Variants in LRRC4C observed in about 807,000 individuals in gnomAD.
LRRC4C encodes leucine-rich repeat-containing protein 4C.
In LRRC4C, 5 loss-of-function variants were observed where a neutral mutation model predicts 33.6. The observed-to-expected ratio is 0.15, with a 90% confidence interval of 0.08 to 0.31. The LOEUF (loss-of-function observed/expected upper bound fraction) is 0.31. Ranked by LOEUF, LRRC4C falls within the 10% of genes least tolerant of loss-of-function variation. The pLI, the probability that LRRC4C is intolerant of heterozygous loss-of-function variation, is 1.00. For synonymous variants in LRRC4C, 329 were observed against 302.0 expected, an observed-to-expected ratio of 1.09 and a Z score of -0.93; for missense variants, 560 against 796.7, an observed-to-expected ratio of 0.70 and a Z score of 3.58.
chr11:40,194,619 G>A (rs562320928), intron 5 of LRRC4C, among the ~76,000 whole-genome samples: 15 of 151,882 alleles, frequency 9.9e-5, no homozygotes, highest in South Asian at 2.1e-4. Context: ...GGGGCCTGTC[G>A]GGGGGTGGGG....
At chr11:40,657,512 A>T (rs746194920) in intron 2 of LRRC4C, among the ~76,000 whole-genome samples, 11 of 152,290 alleles carry the variant, frequency 7.2e-5, no homozygotes, top group Non-Finnish European at 1.2e-4. Context: ...CTCTCTGCTC[A>T]CTAAGATAAA....
At chr11:40,263,464 A>G (rs1052890665) in intron 4 of LRRC4C, among the ~76,000 whole-genome samples, 2 of 152,132 alleles carry the variant, frequency 1.3e-5, no homozygotes, top group Non-Finnish European at 2.9e-5. Flanking sequence ...CATCCTTCAC[A>G]TTATATCCTA....
chr11:40,588,556 T>C (rs945595342), intron 3 of LRRC4C, among the ~76,000 whole-genome samples: 13 of 151,854 alleles, frequency 8.6e-5, no homozygotes, highest in African/African-American at 3.1e-4. Flanking sequence ...CTAGTTCTTT[T>C]AATTGTGATG....
chr11:40,504,921 G>T (rs1954958584), intron 3 of LRRC4C, among the ~76,000 whole-genome samples: 1 of 152,140 alleles, frequency 6.6e-6, no homozygotes, highest in South Asian at 2.1e-4. Context: ...TTTCAGTCCA[G>T]AATTGTAATC....
intron 3 of LRRC4C, among the ~76,000 whole-genome samples, chr11:40,606,729 G>A (rs1428143142): frequency 2.6e-5 from 4 of 151,932 alleles, no homozygotes; most frequent in East Asian, 1.9e-4. Context: ...TCACTGAAAC[G>A]AAAAACTTAT....
chr11:40,931,747 A>C, intron 2 of LRRC4C, among the ~76,000 whole-genome samples: 1 of 152,264 alleles, frequency 6.6e-6, no homozygotes, highest in African/African-American at 2.4e-5. Context: ...GCCTATATAT[A>C]AATGTCATGA....
chr11:40,203,321 T>C (rs866679078), intron 5 of LRRC4C, among the ~76,000 whole-genome samples: 27 of 152,174 alleles, frequency 1.8e-4, no homozygotes, highest in African/African-American at 6.0e-4. Flanking sequence ...CTACAAACTA[T>C]ATCTGAAAGC....
intron 5 of LRRC4C, among the ~76,000 whole-genome samples, chr11:40,222,075 T>C (rs1332592446): frequency 6.6e-6 from 1 of 152,148 alleles, no homozygotes; most frequent in East Asian, 1.9e-4. Context: ...TTCCAGGTAT[T>C]GTGCTAAGTA....
intron 1 of LRRC4C, among the ~76,000 whole-genome samples, chr11:41,310,979 C>G (rs1338953785): frequency 6.6e-6 from 1 of 152,198 alleles, no homozygotes; most frequent in African/African-American, 2.4e-5. Context: ...GCACAACCTT[C>G]ACACACACAA....
chr11:41,419,444 G>C (rs1954799630), intron 1 of LRRC4C, among the ~76,000 whole-genome samples: 1 of 151,882 alleles, frequency 6.6e-6, no homozygotes, highest in African/African-American at 2.4e-5. Flanking sequence ...GCTGGAAGTA[G>C]AAGGACACTC....
rs1436537487 is a variant in LRRC4C, at chr11:41,039,455, C to T, written c.-495-105732G>A. Among the ~76,000 whole-genome samples, 7 of 151,936 alleles carry T rather than the reference C, an allele frequency of 4.6e-5. No homozygotes were observed. The South Asian group carries it at 8.3e-4, about 18-fold the overall frequency. On this transcript the variant is annotated intron_variant, in intron 1 of 6. Transcript: ENST00000528697. ...AGATTTTGAATATAATAAAGCTTAG[C>T]GAATATTTGTTATGTGAATGACAAA... is the stretch of plus-strand genomic sequence containing the variant.
chr11:40,663,184 G>A (rs1489079148), intron 2 of LRRC4C, among the ~76,000 whole-genome samples: 1 of 152,104 alleles, frequency 6.6e-6, no homozygotes, highest in African/African-American at 2.4e-5. Context: ...AGGTTCAAGT[G>A]CTTCTCCTCC....
chr11:40,308,444 C>T (rs1199911540), intron 4 of LRRC4C, among the ~76,000 whole-genome samples: 1 of 152,210 alleles, frequency 6.6e-6, no homozygotes, highest in East Asian at 1.9e-4. Context: ...TCTCTGGAAC[C>T]TGTGGCTATG....
intron 3 of LRRC4C, among the ~76,000 whole-genome samples, chr11:40,392,076 T>C (rs1472799991): frequency 6.6e-6 from 1 of 152,098 alleles, no homozygotes; most frequent in Non-Finnish European, 1.5e-5. Context: ...TTCCCAAATA[T>C]ATGACATTCT....
intron 1 of LRRC4C, among the ~76,000 whole-genome samples, chr11:41,319,833 G>A (rs987674590): frequency 3.9e-5 from 6 of 152,162 alleles, no homozygotes; most frequent in East Asian, 1.9e-4. Context: ...TTACAGACAT[G>A]AGACACCATA....
At chr11:40,196,696 A>G (rs754185014) in intron 5 of LRRC4C, among the ~76,000 whole-genome samples, 4 of 152,216 alleles carry the variant, frequency 2.6e-5, no homozygotes, top group Non-Finnish European at 5.9e-5. Context: ...TGTCTACTCA[A>G]TTAATTGAGA....
chr11:41,079,570 G>GAAAAA (rs1939411676), intron 1 of LRRC4C, among the ~76,000 whole-genome samples: 1 of 152,050 alleles, frequency 6.6e-6, no homozygotes, highest in African/African-American at 2.4e-5. Context: ...TAAGTTCAGA[G>GAAAAA]AAAAGACACT....
intron 5 of LRRC4C, among the ~76,000 whole-genome samples, chr11:40,195,581 G>A (rs1304064780): frequency 2.0e-5 from 3 of 151,650 alleles, no homozygotes; most frequent in Admixed American, 2.0e-4. Context: ...GGAAAAGGGA[G>A]AAATTGTTCA....
In LRRC4C at chr11:40,588,835, T is replaced by A. The variant is rs567134140; in HGVS notation, c.-270+59307A>T. Among the ~76,000 whole-genome samples the A allele has an allele frequency of 2.4e-3, 361 of 152,362 alleles. 1 individual carries two copies. Among genetic ancestry groups the A allele is most frequent in the African/African-American group, 8.3e-3 (346 of 41,578 alleles). ...GTTCTAGTTTGATTGCACTGTGGTC[T>A]GAGAGATAGTTTGTTATAGTTTCTG... On this transcript the variant is annotated intron_variant, in intron 3 of 6. Coordinates refer to ENST00000528697, the MANE Select transcript of LRRC4C (RefSeq NM_001258419.2).
Sources: gnomAD v4.1 joint callset for allele counts (sites outside exome capture counted in the v4.1 genomes callset) on GRCh38, gnomAD v4.1.1 for gene constraint, MANE v1.5 for transcripts, NCBI Gene and HGNC (gene_info 2026-07-23, HGNC 2026-07-21) for gene names.